Variants in IPMK observed in about 807,000 individuals in gnomAD.
IPMK encodes the protein inositol 1,3,4,6-tetrakisphosphate 5-kinase.
Under a neutral mutation model 45.8 loss-of-function variants are expected in IPMK, and 17 were observed. That is an observed-to-expected ratio of 0.37 (90% CI 0.25 to 0.56). The LOEUF is 0.56. Ranked by LOEUF, IPMK falls within the 20% of genes least tolerant of loss-of-function variation. The pLI, the probability that IPMK is intolerant of heterozygous loss-of-function variation, is 0.79. For missense variants in IPMK, 399 were observed against 498.0 expected (o/e 0.80, Z 1.89); for synonymous variants, 180 against 184.3 (o/e 0.98, Z 0.19).
At chr10:58,222,388 G>A (rs1460272164) in intron 3 of IPMK, among the ~76,000 whole-genome samples, 1 of 152,086 alleles carries the variant, frequency 6.6e-6, no homozygotes, top group Non-Finnish European at 1.5e-5. Context: ...TCTCATAGAC[G>A]TGTGTGTATC....
chr10:58,217,156 CTTT>C (rs58314639), intron 3 of IPMK, among the ~76,000 whole-genome samples: 8 of 102,924 alleles, frequency 7.8e-5, no homozygotes, highest in Admixed American at 2.1e-4. Flanking sequence ...GCCCATCTTG[CTTT>C]TTTTTTTTTT....
rs559159538 is a variant in IPMK at position 58,236,256 on chromosome 10, T to C, written c.276+1473A>G. 5.9e-5 allele frequency among the ~76,000 whole-genome samples: 9 copies of C among 152,200 alleles called. No homozygotes were observed. In the East Asian group the frequency reaches 1.7e-3, roughly 29 times the overall value. On this transcript the variant is annotated intron_variant, in intron 2 of 5. Transcript: ENST00000373935. ...AACAAAACTCTTATCTGATGCAAAT[T>C]CTTTAACAAAATAGATACGAAAAGG... is the stretch of plus-strand genomic sequence containing the variant.
chr10:58,238,018 C>T (rs535421462), intron 1 of IPMK, among the ~76,000 whole-genome samples: 2 of 152,272 alleles, frequency 1.3e-5, no homozygotes, highest in African/African-American at 4.8e-5. Flanking sequence ...TTCCAAATGT[C>T]TTCATTTTAG....
chr10:58,196,082 G>T lies in IPMK; in HGVS notation c.1245C>A (p.Asp415Glu). 1 of 1,611,672 alleles carries T rather than the reference G, an allele frequency of 6.2e-7. No individual in the cohort carries two copies. The highest frequency in any genetic ancestry group is 1.1e-5 in the South Asian group (1 of 90,830). ...HLISVLRSIL[D>E]N The stretch of plus-strand genomic sequence containing the variant: ...AAAGACTGCAACAGAGGATTCAATT[G>T]TCTAAAATACTTCGAAGTACAGAAA... The change falls in exon 6 of 6, where the codon GAC becomes GAA. Residue 415 changes from aspartate to glutamate, a missense_variant. This residue lies in a region of IPMK where 288 missense variants were observed against 398.0 expected (regional missense o/e 0.72). Transcript: ENST00000373935.
At chr10:58,267,389 G>A in intron 1 of IPMK, 33 bp downstream of exon 1, 1 of 1,607,454 alleles carries the variant, frequency 6.2e-7, no homozygotes. Context: ...CAGGCGGAAG[G>A]GGAGCGGCGA....
chr10:58,259,680 A>AAAAAAAAAAAAAAAAAAAAAAAAAAAT (rs1839031031), intron 1 of IPMK, among the ~76,000 whole-genome samples: 1 of 149,212 alleles, frequency 6.7e-6, no homozygotes, highest in African/African-American at 2.5e-5. Flanking sequence ...ATAAAAAAAA[A>AAAAAAAAAAAAAAAAAAAAAAAAAAAT]AAAAAAACAA....
chr10:58,261,878 AAC>A (rs1839074460), intron 1 of IPMK, among the ~76,000 whole-genome samples: 1 of 152,206 alleles, frequency 6.6e-6, no homozygotes, highest in African/African-American at 2.4e-5. Flanking sequence ...GTAATTTTTG[AAC>A]ACAGTTTATA....
At chr10:58,255,534 G>C (rs1838952250) in intron 1 of IPMK, among the ~76,000 whole-genome samples, 1 of 152,174 alleles carries the variant, frequency 6.6e-6, no homozygotes, top group Non-Finnish European at 1.5e-5. Context: ...GTGTATTCAG[G>C]CTGGTGCTCT....
chr10:58,246,434 T>C (rs1838801420), intron 1 of IPMK, among the ~76,000 whole-genome samples: 1 of 139,126 alleles, frequency 7.2e-6, no homozygotes, highest in African/African-American at 3.1e-5. Flanking sequence ...CAAAACAGCA[T>C]GGTACTGGTA....
rs955216902 is a variant in IPMK at position 58,267,461 on chromosome 10, G to A, written c.151C>T (p.His51Tyr). Residue 51 changes from histidine to tyrosine, a missense_variant, in exon 1 of 6, where the codon CAT becomes TAT. His to Tyr is a moderately conservative substitution (Grantham distance 83). Around this residue, in one of 2 missense-constraint regions of IPMK, gnomAD observed 111 missense variants for 99.9 expected, o/e 1.11. Coordinates refer to ENST00000373935, the MANE Select transcript of IPMK (RefSeq NM_152230.5). ...CCGTACATGTGCCCGGCCACCTGATGCGAGAGGGGCACGCAGCCGTTGAGG... is the reference window on the plus strand; with the variant it reads ...CCGTACATGTGCCCGGCCACCTGATACGAGAGGGGCACGCAGCCGTTGAGG... ...RFLNGCVPLS[H>Y]QVAGHMYGKD... The A allele has an allele frequency of 4.3e-6, 7 of 1,613,720 alleles. No homozygotes were observed. Among genetic ancestry groups the A allele is most frequent in the Non-Finnish European group, 5.1e-6 (6 of 1,179,888 alleles).
intron 2 of IPMK, among the ~76,000 whole-genome samples, chr10:58,227,911 G>C (rs1226811718): frequency 6.6e-6 from 1 of 152,104 alleles, no homozygotes; most frequent in Non-Finnish European, 1.5e-5. Context: ...GAAGTTTACT[G>C]GTGTAAAATG....
intron 1 of IPMK, 25 bp downstream of exon 1, chr10:58,267,397 C>A: frequency 1.2e-6 from 2 of 1,610,736 alleles, no homozygotes; most frequent in African/African-American, 1.3e-5. Flanking sequence ...AGGGGAGCGG[C>A]GAGACCTATG....
At position 58,196,083 on chromosome 10, in the gene IPMK, T is replaced by G; in HGVS notation, c.1244A>C (p.Asp415Ala). 1 of 1,611,822 alleles carries G rather than the reference T, an allele frequency of 6.2e-7. No homozygotes were observed. Among genetic ancestry groups the G allele is most frequent in the Non-Finnish European group, 8.5e-7 (1 of 1,178,454 alleles). The change falls in exon 6 of 6, where the codon GAC becomes GCC. Residue 415 changes from aspartate (D) to alanine (A), a missense_variant. Physicochemically the swap from Asp to Ala is moderately radical, Grantham distance 126 (BLOSUM62 -2). Coordinates refer to ENST00000373935, the MANE Select transcript of IPMK (RefSeq NM_152230.5). The stretch of plus-strand genomic sequence containing the variant: ...AAGACTGCAACAGAGGATTCAATTG[T>G]CTAAAATACTTCGAAGTACAGAAAT... ...HLISVLRSIL[D>A]N
intron 1 of IPMK, among the ~76,000 whole-genome samples, chr10:58,259,938 A>G (rs1839037927): frequency 6.6e-6 from 1 of 152,210 alleles, no homozygotes; most frequent in Admixed American, 6.5e-5. Context: ...AATATTATCA[A>G]TCAAGGTAAA....
intron 3 of IPMK, among the ~76,000 whole-genome samples, chr10:58,224,493 A>C (rs1028290996): frequency 2.0e-5 from 3 of 152,230 alleles, no homozygotes; most frequent in Admixed American, 2.0e-4. Flanking sequence ...ATGATTGTAT[A>C]ATTCTGCGAA....
At chr10:58,197,618 C>G (rs1837923587) in intron 5 of IPMK, among the ~76,000 whole-genome samples, 1 of 150,686 alleles carries the variant, frequency 6.6e-6, no homozygotes, top group South Asian at 2.1e-4. Context: ...CCACTGCACT[C>G]CAGCCTGCGC....
chr10:58,192,450 C>G lies in IPMK; in HGVS notation c.*3626G>C, dbSNP rs1258196775. Reference sequence around the variant, plus strand: ...TTTTATGCTATCTGTAACTAATACCCAAACTTAAATAGAGGTTACAATACT... The same window carrying G: ...TTTTATGCTATCTGTAACTAATACCGAAACTTAAATAGAGGTTACAATACT... On this transcript the variant is annotated 3_prime_UTR_variant, in exon 6 of 6. Transcript: ENST00000373935. The G allele has an allele frequency of 6.6e-6, 1 of 151,930 alleles. No individual in the cohort carries two copies. The highest frequency in any genetic ancestry group is 1.5e-5 in the Non-Finnish European group (1 of 67,892). The allele number at this position is 151,930 out of a possible 1,614,324, so 9.4% of individuals were successfully genotyped here.
At chr10:58,267,199 C>T (rs971446054) in intron 1 of IPMK, among the ~76,000 whole-genome samples, 30 of 152,218 alleles carry the variant, frequency 2.0e-4, no homozygotes, top group African/African-American at 6.8e-4. Context: ...CTCCCTGCCA[C>T]CCGTGCTGCA....
At chr10:58,227,504 A>G (rs943550242) in intron 2 of IPMK, among the ~76,000 whole-genome samples, 2 of 152,202 alleles carry the variant, frequency 1.3e-5, no homozygotes, top group Non-Finnish European at 2.9e-5. Flanking sequence ...TGTAGTGGCA[A>G]TATGAAAATT....
Sources: allele counts gnomAD v4.1 joint callset (sites outside exome capture counted in the v4.1 genomes callset), GRCh38; gene constraint gnomAD v4.1.1; regional missense constraint gnomAD v4.1.1; transcripts MANE v1.5; gene names NCBI Gene and HGNC (gene_info 2026-07-23, HGNC 2026-07-21).